The following DAPK1 variants were observed in gnomAD, a reference collection of about 807,000 sequenced individuals.
DAPK1 encodes the protein death associated protein kinase 1.
Under a neutral mutation model 144.9 loss-of-function variants are expected in DAPK1, and 56 were observed. The ratio of observed to expected loss-of-function variants is 0.39; its 90% CI spans 0.31 to 0.48. The LOEUF is 0.48. Ranked by LOEUF, DAPK1 falls within the 20% of genes least tolerant of loss-of-function variation. The probability of loss-of-function intolerance (pLI) is 0.95; values close to 1 mark genes in which losing one functional copy is unlikely to be tolerated. For missense variants in DAPK1, 1,454 were observed against 1,875.4 expected (o/e 0.78, Z 4.15); for synonymous variants, 690 against 749.0 (o/e 0.92, Z 1.29).
intron 2 of DAPK1, among the ~76,000 whole-genome samples, chr9:87,585,030 G>A (rs1827899535): frequency 6.6e-6 from 1 of 152,030 alleles, no homozygotes; most frequent in South Asian, 2.1e-4. Flanking sequence ...TTTAAAATCA[G>A]GTTATTTGTT....
intron 11 of DAPK1, among the ~76,000 whole-genome samples, chr9:87,643,997 C>T (rs934519320): frequency 1.3e-5 from 2 of 152,146 alleles, no homozygotes; most frequent in African/African-American, 4.8e-5. Flanking sequence ...TGATGTGTCT[C>T]CTAGCAGACC....
rs1472964208 is a variant in DAPK1, at chr9:87,686,446, G to A, written c.2225-105G>A. 2.2e-5 allele frequency: 15 copies of A among 669,734 alleles called. No homozygotes were observed. The highest frequency in any genetic ancestry group is 3.8e-5 in the Non-Finnish European group (14 of 371,112). The allele number at this position is 669,734 out of a possible 1,614,324, so 41.5% of individuals were successfully genotyped here. ...CAGCCTGAAGCCAGAGTTGGGGTGG[G>A]GACAGAGGCGTGCTCCAGAAAAGGA... On this transcript the variant is annotated intron_variant, in intron 20 of 25. Transcript: ENST00000408954. This position sits in a 1 kb window ranked among gnomAD's most constrained non-coding sequence, Gnocchi z 4.2.
intron 20 of DAPK1, among the ~76,000 whole-genome samples, chr9:87,682,956 C>G (rs934666591): frequency 2.6e-5 from 4 of 151,418 alleles, no homozygotes; most frequent in African/African-American, 9.7e-5. Flanking sequence ...TGTTTTTTGT[C>G]TTTGCATATT....
intron 19 of DAPK1, 144 bp downstream of exon 19, chr9:87,668,818 A>G (rs1438472218): frequency 1.5e-6 from 1 of 668,566 alleles, no homozygotes; most frequent in African/African-American, 1.8e-5. Context: ...TGTGGTTTAC[A>G]TGTCAGTCGG....
At chr9:87,605,513 C>T (rs924750769) in intron 3 of DAPK1, among the ~76,000 whole-genome samples, 3 of 150,952 alleles carry the variant, frequency 2.0e-5, no homozygotes, top group African/African-American at 7.3e-5. Context: ...TCCTTCTCCC[C>T]TCTCACTCTA....
chr9:87,580,693 G>T (rs779780914), intron 2 of DAPK1, among the ~76,000 whole-genome samples: 6 of 152,148 alleles, frequency 3.9e-5, no homozygotes, highest in African/African-American at 1.4e-4. Context: ...TACTCTGTAT[G>T]ACTTTACTAC....
Position 87,658,030 on chromosome 9 carries a change from A to G in DAPK1, c.1826A>G (p.Tyr609Cys), listed in dbSNP as rs1463781631. The G allele has an allele frequency of 7.7e-7, 1 of 1,294,210 alleles. No individual in the cohort carries two copies. Among genetic ancestry groups the G allele is most frequent in the South Asian group, 1.2e-5 (1 of 83,494 alleles). 80.2% of individuals were successfully genotyped at this position (1,294,210 alleles called of 1,614,324 possible). ...ANCNLDISNK[Y>C]GRTPLHLAAN... ...TTGGCCTTTTTTCTCTCTTCCCAGT[A>G]TGGGCGAACGCCTCTGCACCTTGCG... is the stretch of plus-strand genomic sequence containing the variant. The change falls in exon 18 of 26, where the codon TAT (tyrosine) becomes TGT (cysteine). Residue 609 changes from tyrosine to cysteine, a missense_variant and splice_region_variant. Physicochemically the swap from Tyr to Cys is radical, Grantham distance 194. This residue lies in a region of DAPK1 where 1,025 missense variants were observed against 1,237.9 expected (regional missense o/e 0.83). Transcript: ENST00000408954.
intron 12 of DAPK1, 63 bp downstream of exon 12, chr9:87,646,077 C>G: frequency 6.4e-7 from 1 of 1,564,416 alleles, no homozygotes; most frequent in Admixed American, 1.8e-5. Flanking sequence ...CTTCCATATC[C>G]AAGGAAAGAC....
chr9:87,514,682 G>A (rs1352324336), intron 2 of DAPK1, among the ~76,000 whole-genome samples: 1 of 152,178 alleles, frequency 6.6e-6, no homozygotes, highest in Non-Finnish European at 1.5e-5. Flanking sequence ...AGCCCGACAC[G>A]ATTAAATGTA....
intron 18 of DAPK1, among the ~76,000 whole-genome samples, chr9:87,667,518 G>A (rs1393032753): frequency 6.6e-6 from 1 of 152,184 alleles, no homozygotes; most frequent in Non-Finnish European, 1.5e-5. Flanking sequence ...GAATTGCCTG[G>A]TGCAAAATGT....
chr9:87,573,686 C>G (rs1381214817), intron 2 of DAPK1, among the ~76,000 whole-genome samples: 1 of 152,194 alleles, frequency 6.6e-6, no homozygotes, highest in African/African-American at 2.4e-5. Flanking sequence ...CACCTCAGGA[C>G]TCTGATCTTG....
intron 25 of DAPK1, among the ~76,000 whole-genome samples, chr9:87,704,195 T>A (rs1329020565): frequency 6.6e-6 from 1 of 152,230 alleles, no homozygotes. Flanking sequence ...TTAAAGTGAT[T>A]GAATCCAAGG....
intron 2 of DAPK1, among the ~76,000 whole-genome samples, chr9:87,557,049 G>A (rs1457493918): frequency 6.6e-6 from 1 of 152,032 alleles, no homozygotes; most frequent in Non-Finnish European, 1.5e-5. Flanking sequence ...ACAGAAAAGA[G>A]GAAGGCAGCC....
At chr9:87,516,833 T>C (rs1825079279) in intron 2 of DAPK1, among the ~76,000 whole-genome samples, 1 of 152,052 alleles carries the variant, frequency 6.6e-6, no homozygotes, top group South Asian at 2.1e-4. Flanking sequence ...GAGGATATTG[T>C]GCAAAAGGAA....
chr9:87,610,710 T>A (rs79314153), intron 3 of DAPK1, among the ~76,000 whole-genome samples: 1,538 of 152,324 alleles, frequency 0.01, 53 homozygotes, highest in East Asian at 0.061. Flanking sequence ...GCACCAGCCG[T>A]GGAGACTGTG....
chr9:87,606,473 C>CCTTCCTT (rs1828718508), intron 3 of DAPK1, among the ~76,000 whole-genome samples: 1 of 143,402 alleles, frequency 7.0e-6, no homozygotes, highest in African/African-American at 2.6e-5. Context: ...CTCTCTCTTT[C>CCTTCCTT]CCTTCCTTCC....
rs752082515 is a variant in DAPK1, at chr9:87,640,771, G to A, written c.783-31G>A. ...CTTAGTATTTGCTGCTATGGTCACA[G>A]CATTTTTTTTCTTCTCCCCCTCCCC... On this transcript the variant is annotated intron_variant, in intron 8 of 25. Coordinates refer to ENST00000408954, the MANE Select transcript of DAPK1 (RefSeq NM_004938.4). The A allele has an allele frequency of 6.2e-6, 10 of 1,612,380 alleles. No individual in the cohort carries two copies. In the East Asian group the frequency reaches 1.8e-4, roughly 29 times the overall value.
intron 2 of DAPK1, chr9:87,553,684 CG>C (rs1826586850): frequency 6.6e-6 from 1 of 151,328 alleles, no homozygotes; most frequent in Non-Finnish European, 1.5e-5. Context: ...TTAATAGAGA[CG>C]GGGTTTTGCC....
intron 3 of DAPK1, chr9:87,632,072 GTTAA>G: frequency 1.3e-6 from 1 of 763,330 alleles, no homozygotes; most frequent in Non-Finnish European, 1.6e-6. Flanking sequence ...AAGGATGAAA[GTTAA>G]TTAGTATATA....
Sources: allele counts gnomAD v4.1 joint callset (sites outside exome capture counted in the v4.1 genomes callset), GRCh38; gene constraint gnomAD v4.1.1; regional missense constraint gnomAD v4.1.1; non-coding constraint Gnocchi (gnomAD v3.1); transcripts MANE v1.5; gene names NCBI Gene and HGNC (gene_info 2026-07-23, HGNC 2026-07-21).